DCUN1D2: variants seen among roughly 807,000 people sequenced by gnomAD.
DCUN1D2 encodes DCN1-like protein 2.
In DCUN1D2, 29 loss-of-function variants were observed where a neutral mutation model predicts 30.9. The observed-to-expected ratio is 0.94, with a 90% CI of 0.70 to 1.28. The LOEUF is 1.28. Among genes scored for constraint, DCUN1D2 ranks in the 50% most tolerant of loss-of-function variants. The probability of loss-of-function intolerance (pLI) is 0.00; values close to 1 mark genes in which losing one functional copy is unlikely to be tolerated. For synonymous variants in DCUN1D2, 121 were observed against 115.3 expected, an observed-to-expected ratio of 1.05 and a Z score of -0.32; for missense variants, 325 against 316.9, an observed-to-expected ratio of 1.03 and a Z score of -0.19.
In DCUN1D2 at chr13:113,456,983, G is replaced by C. The variant is rs1264462796; in HGVS notation, c.*1046C>G. 6.6e-6 allele frequency: 1 copy of C among 152,192 alleles called. No individual in the cohort carries two copies. The highest frequency in any genetic ancestry group is 1.5e-5 in the Non-Finnish European group (1 of 68,074). The allele number at this position is 152,192 out of a possible 1,614,324, so 9.4% of individuals were successfully genotyped here. A position where few individuals can be genotyped will look rare whatever the true frequency, so the allele number is the denominator to read the frequency against. On this transcript the variant is annotated 3_prime_UTR_variant, in exon 7 of 7. Coordinates refer to ENST00000478244, the MANE Select transcript of DCUN1D2 (RefSeq NM_001014283.2). ...TAACCTCCGTCTCCTGAGTTCAAGC[G>C]AATCTCCTGCCTCAGCCTCCTGAGT...
intron 4 of DCUN1D2, among the ~76,000 whole-genome samples, chr13:113,470,354 T>G (rs962330259): frequency 6.6e-5 from 10 of 152,204 alleles, no homozygotes; most frequent in African/African-American, 2.2e-4. Context: ...AACAATGCAT[T>G]TCTCAGAACC....
At chr13:113,461,656 C>T (rs1202914915) in intron 4 of DCUN1D2, among the ~76,000 whole-genome samples, 1 of 152,206 alleles carries the variant, frequency 6.6e-6, no homozygotes, top group Non-Finnish European at 1.5e-5. Context: ...CCTAAAGTGT[C>T]AAGTCAAATC....
At chr13:113,481,334 T>C (rs2044704365) in intron 2 of DCUN1D2, among the ~76,000 whole-genome samples, 1 of 152,206 alleles carries the variant, frequency 6.6e-6, no homozygotes, top group Non-Finnish European at 1.5e-5. Flanking sequence ...AACTTAGCAT[T>C]TGTTTATCAG....
At chr13:113,486,267 C>A (rs1380237263) in intron 1 of DCUN1D2, among the ~76,000 whole-genome samples, 1 of 152,126 alleles carries the variant, frequency 6.6e-6, no homozygotes, top group Admixed American at 6.5e-5. Flanking sequence ...CCAAATGCCA[C>A]ATGTTCTCAC....
intron 2 of DCUN1D2, among the ~76,000 whole-genome samples, chr13:113,481,960 A>G (rs2044719003): frequency 6.6e-6 from 1 of 152,158 alleles, no homozygotes; most frequent in Non-Finnish European, 1.5e-5. Context: ...AAACAACCTC[A>G]GCATAGTTTA....
At chr13:113,468,241 T>A (rs1161559507) in intron 4 of DCUN1D2, among the ~76,000 whole-genome samples, 1 of 152,012 alleles carries the variant, frequency 6.6e-6, no homozygotes, top group Non-Finnish European at 1.5e-5. Context: ...TGACATATAC[T>A]ACAACAAAAC....
rs1595561812 is a variant in DCUN1D2 at position 113,456,593 on chromosome 13, G to A, written c.*1436C>T. On this transcript the variant is annotated 3_prime_UTR_variant, in exon 7 of 7. Coordinates refer to ENST00000478244, the MANE Select transcript of DCUN1D2 (RefSeq NM_001014283.2). ...GCCTGTGACATGAGAGTCTCGGCAC[G>A]TGAGGTAGGGTCAACAGTGATGTCC... The A allele has an allele frequency of 7.8e-6, 3 of 383,870 alleles. No homozygotes were observed. Among genetic ancestry groups the A allele is most frequent in the African/African-American group, 2.1e-5 (1 of 48,426 alleles). 23.8% of individuals were successfully genotyped at this position (383,870 alleles called of 1,614,324 possible).
At chr13:113,461,176 CTCTT>C (rs1346122853) in intron 4 of DCUN1D2, 40 bp from the exon 5 acceptor site, 1 of 1,332,530 alleles carries the variant, frequency 7.5e-7, no homozygotes, top group South Asian at 1.2e-5. Context: ...AAATCTCACT[CTCTT>C]TTTCTACTGC....
At chr13:113,467,250 T>C (rs947547469) in intron 4 of DCUN1D2, among the ~76,000 whole-genome samples, 26 of 152,304 alleles carry the variant, frequency 1.7e-4, no homozygotes, top group African/African-American at 5.5e-4. Flanking sequence ...GTTTACTGTA[T>C]CTCTAGGTAG....
At chr13:113,469,107 A>C (rs1225422975) in intron 4 of DCUN1D2, among the ~76,000 whole-genome samples, 1 of 151,526 alleles carries the variant, frequency 6.6e-6, no homozygotes, top group Non-Finnish European at 1.5e-5. Flanking sequence ...AGACAATCTC[A>C]GACAGCAAAG....
chr13:113,460,056 T>TAAG (rs753929660), intron 5 of DCUN1D2, among the ~76,000 whole-genome samples: 8 of 152,222 alleles, frequency 5.3e-5, no homozygotes, highest in Non-Finnish European at 1.2e-4. Context: ...TGACCCCAGG[T>TAAG]AAGGCGTAAG....
intron 1 of DCUN1D2, among the ~76,000 whole-genome samples, chr13:113,489,872 T>C (rs2044900767): frequency 6.6e-6 from 1 of 152,058 alleles, no homozygotes; most frequent in Admixed American, 6.6e-5. Flanking sequence ...ACCCGTGCCT[T>C]AGCCTTTGTC....
intron 5 of DCUN1D2, chr13:113,459,672 G>C (rs1442675388): frequency 7.3e-6 from 2 of 274,182 alleles, no homozygotes; most frequent in African/African-American, 4.4e-5. Context: ...CACATAGAAG[G>C]GCAGCATTTT....
intron 1 of DCUN1D2, among the ~76,000 whole-genome samples, chr13:113,489,959 A>T (rs896293725): frequency 7.9e-5 from 12 of 152,208 alleles, no homozygotes; most frequent in African/African-American, 2.9e-4. Context: ...CGCCAAGATC[A>T]TGCCTGGCCC....
intron 4 of DCUN1D2, among the ~76,000 whole-genome samples, chr13:113,466,839 C>T: frequency 7.2e-6 from 1 of 138,926 alleles, no homozygotes; most frequent in Non-Finnish European, 1.5e-5. Context: ...GAGAGTCCTG[C>T]TCTGTCGCCC....
chr13:113,461,351 ATTAAG>A (rs1257752949), intron 4 of DCUN1D2, among the ~76,000 whole-genome samples: 6 of 152,262 alleles, frequency 3.9e-5, no homozygotes, highest in Admixed American at 3.3e-4. Context: ...GGATTTGTAT[ATTAAG>A]TTATTTGGAT....
rs2044228815 is a variant in DCUN1D2, at chr13:113,456,520, C to T, written c.*1509G>A. 5.0e-6 allele frequency: 2 copies of T among 397,528 alleles called. No individual in the cohort carries two copies. The highest frequency in any genetic ancestry group is 8.9e-6 in the Non-Finnish European group (2 of 225,786). 24.6% of individuals were successfully genotyped at this position (397,528 alleles called of 1,614,324 possible). A position where few individuals can be genotyped will look rare whatever the true frequency, so the allele number is the denominator to read the frequency against. On this transcript the variant is annotated 3_prime_UTR_variant, in exon 7 of 7. Transcript: ENST00000478244. ...CTCTCCTCTGTGCTGGGCAGCAGCT[C>T]CAGCTGGTCCACGTCCTGCACAGTG...
intron 4 of DCUN1D2, among the ~76,000 whole-genome samples, chr13:113,466,357 C>A (rs944756240): frequency 6.6e-6 from 1 of 152,000 alleles, no homozygotes; most frequent in African/African-American, 2.4e-5. Context: ...TGTAGAAAAC[C>A]AAATGTTTTC....
At position 113,490,527 on chromosome 13, in the gene DCUN1D2, T is replaced by C. The variant is rs2490953; in HGVS notation, c.3+140A>G. On this transcript the variant is annotated intron_variant, in intron 1 of 6. Transcript: ENST00000478244. This position sits in a 1 kb window ranked among gnomAD's most constrained non-coding sequence, Gnocchi z 5.2. ...CTCCGGCTCGCGGGCCCGCGGCGCGTTCCTCCCTCGGATCCACGCGGAACG... is the reference window on the plus strand; with the variant it reads ...CTCCGGCTCGCGGGCCCGCGGCGCGCTCCTCCCTCGGATCCACGCGGAACG... 280,049 of 900,536 alleles carry C rather than the reference T, an allele frequency of 0.31. 46,885 individuals carry two copies. Among genetic ancestry groups the C allele is most frequent in the African/African-American group, 0.58 (32,631 of 56,276 alleles). 55.8% of individuals were successfully genotyped at this position (900,536 alleles called of 1,614,324 possible).
Sources: gnomAD v4.1 joint callset for allele counts (sites outside exome capture counted in the v4.1 genomes callset) on GRCh38, gnomAD v4.1.1 for gene constraint, Gnocchi (gnomAD v3.1) non-coding constraint, MANE v1.5 for transcripts, NCBI Gene and HGNC (gene_info 2026-07-23, HGNC 2026-07-21) for gene names.